The following ZNF609 variants were observed in gnomAD, a reference collection of about 807,000 sequenced individuals.
The protein encoded by ZNF609 is zinc finger protein 609.
Under a neutral mutation model 109.5 loss-of-function variants are expected in ZNF609, and 11 were observed. The observed-to-expected ratio is 0.10, with a 90% confidence interval of 0.06 to 0.17. The LOEUF is 0.17. ZNF609 is among the 10% of genes least tolerant of loss of function. ZNF609 has a pLI of 1.00. For synonymous variants in ZNF609, 646 were observed against 662.0 expected (o/e 0.98, Z 0.37); for missense variants, 1,559 against 1,772.4 (o/e 0.88, Z 2.16).
At chr15:64,500,226 C>G in intron 2 of ZNF609, 60 bp downstream of exon 2, 5 of 1,579,092 alleles carry the variant, frequency 3.2e-6, no homozygotes, top group Non-Finnish European at 4.3e-6. Context: ...CCTGGACTAA[C>G]TGCCAAATAC....
At chr15:64,551,442 G>C (rs954241342) in intron 2 of ZNF609, among the ~76,000 whole-genome samples, 2 of 152,048 alleles carry the variant, frequency 1.3e-5, no homozygotes, top group Admixed American at 6.6e-5. Context: ...GATAACCTGA[G>C]GTCAGGAGTT....
At chr15:64,492,601 A>G (rs919708858) in intron 1 of ZNF609, among the ~76,000 whole-genome samples, 1 of 152,102 alleles carries the variant, frequency 6.6e-6, no homozygotes, top group Non-Finnish European at 1.5e-5. Flanking sequence ...AGGCTGGTCT[A>G]GAACTCCTGG....
chr15:64,466,248 C>T (rs939325894), intron 1 of ZNF609, among the ~76,000 whole-genome samples: 25 of 151,380 alleles, frequency 1.7e-4, no homozygotes, highest in Admixed American at 1.3e-3. Flanking sequence ...ATGATTTTCT[C>T]TTTCATATGT....
chr15:64,564,312 A>T (rs762342114), intron 2 of ZNF609, among the ~76,000 whole-genome samples: 44 of 152,172 alleles, frequency 2.9e-4, no homozygotes, highest in South Asian at 6.2e-4. Flanking sequence ...AGGGGGGACT[A>T]CTGTAATTGC....
chr15:64,546,171 T>C (rs1354799496), intron 2 of ZNF609, among the ~76,000 whole-genome samples: 2 of 152,200 alleles, frequency 1.3e-5, no homozygotes, highest in African/African-American at 4.8e-5. Context: ...TACTTGATAC[T>C]GTCTGTTGTT....
At chr15:64,659,642 A>G (rs1259062237) in intron 3 of ZNF609, among the ~76,000 whole-genome samples, 2 of 152,164 alleles carry the variant, frequency 1.3e-5, no homozygotes, top group African/African-American at 4.8e-5. Context: ...AACCCCTAAT[A>G]TCTCAGGAAC....
At chr15:64,572,020 G>A (rs1894866761) in intron 2 of ZNF609, among the ~76,000 whole-genome samples, 1 of 152,120 alleles carries the variant, frequency 6.6e-6, no homozygotes, top group Non-Finnish European at 1.5e-5. Flanking sequence ...CTGGAAAGTT[G>A]CCCTTAAGGA....
At chr15:64,620,356 T>G (rs1895858194) in intron 2 of ZNF609, among the ~76,000 whole-genome samples, 1 of 152,176 alleles carries the variant, frequency 6.6e-6, no homozygotes, top group Non-Finnish European at 1.5e-5. Flanking sequence ...TCTCTAACTT[T>G]CCCTCTCTAG....
At chr15:64,518,082 C>T (rs569033682) in intron 2 of ZNF609, among the ~76,000 whole-genome samples, 1 of 152,220 alleles carries the variant, frequency 6.6e-6, no homozygotes, top group African/African-American at 2.4e-5. Flanking sequence ...GTGCTGGGTT[C>T]CTGGAGTTTA....
At chr15:64,612,740 C>A (rs1307708658) in intron 2 of ZNF609, among the ~76,000 whole-genome samples, 1 of 151,202 alleles carries the variant, frequency 6.6e-6, no homozygotes, top group Admixed American at 6.6e-5. Flanking sequence ...ACCTGCCGGG[C>A]GTGGTGGCTC....
chr15:64,464,905 A>G lies in ZNF609; in HGVS notation c.-128+4067A>G, dbSNP rs1892990491. Reference sequence around the variant, plus strand: ...AAATACTTGGTCTTCCGTGGGTTAGATTCAGTTTGTATGTGTGAAATTGCA... The same window carrying G: ...AAATACTTGGTCTTCCGTGGGTTAGGTTCAGTTTGTATGTGTGAAATTGCA... On this transcript the variant is annotated intron_variant, in intron 1 of 9. Coordinates refer to ENST00000326648, the MANE Select transcript of ZNF609 (RefSeq NM_015042.2). Among the ~76,000 whole-genome samples the G allele has an allele frequency of 2.6e-5, 4 of 152,194 alleles. No individual in the cohort carries two copies. The South Asian group carries it at 6.2e-4, about 24-fold the overall frequency.
chr15:64,521,879 C>T (rs1893896230), intron 2 of ZNF609, among the ~76,000 whole-genome samples: 1 of 152,208 alleles, frequency 6.6e-6, no homozygotes, highest in African/African-American at 2.4e-5. Context: ...TTTACTGGCC[C>T]TGGCAGCTGT....
At chr15:64,625,820 C>T (rs1259172021) in intron 3 of ZNF609, among the ~76,000 whole-genome samples, 7 of 142,066 alleles carry the variant, frequency 4.9e-5, no homozygotes, top group South Asian at 2.4e-4. Flanking sequence ...ACCCAGGAGG[C>T]GGGCCTTGAA....
In ZNF609 at chr15:64,537,961, C is replaced by A. The variant is rs556229111; in HGVS notation, c.747+37795C>A. Among the ~76,000 whole-genome samples the A allele has an allele frequency of 2.0e-3, 298 of 152,138 alleles. 1 individual carries two copies. Among genetic ancestry groups the A allele is most frequent in the Admixed American group, 4.4e-3 (67 of 15,286 alleles). ...ACTAAAAATACAAAAAAAAAATTAG[C>A]CAGGCATGGTGGCGCATGCCTGTAA... On this transcript the variant is annotated intron_variant, in intron 2 of 9. Transcript: ENST00000326648.
At chr15:64,647,353 G>C (rs1261625637) in intron 3 of ZNF609, among the ~76,000 whole-genome samples, 1 of 151,916 alleles carries the variant, frequency 6.6e-6, no homozygotes, top group Non-Finnish European at 1.5e-5. Context: ...TTCTATTTCA[G>C]GTGATGAAAA....
In ZNF609 at chr15:64,553,663, A is replaced by G. The variant is rs1388813218; in HGVS notation, c.747+53497A>G. ...GCCCAGGCTGGAGTGCAGTGGCGCA[A>G]TCTTGGCTCACTGCAAGCTCCGCCT... is the stretch of plus-strand genomic sequence containing the variant. On this transcript the variant is annotated intron_variant, in intron 2 of 9. Coordinates refer to ENST00000326648, the MANE Select transcript of ZNF609 (RefSeq NM_015042.2). 1.4e-4 allele frequency among the ~76,000 whole-genome samples: 21 copies of G among 151,572 alleles called. 1 individual carries two copies. The highest frequency in any genetic ancestry group is 1.4e-3 in the Admixed American group (21 of 15,176).
intron 3 of ZNF609, among the ~76,000 whole-genome samples, chr15:64,625,250 T>C (rs1459246966): frequency 6.6e-6 from 1 of 152,192 alleles, no homozygotes; most frequent in African/African-American, 2.4e-5. Flanking sequence ...CTGACACCTA[T>C]AGTAGTAGAC....
chr15:64,562,544 T>C (rs1484378100), intron 2 of ZNF609, among the ~76,000 whole-genome samples: 1 of 152,198 alleles, frequency 6.6e-6, no homozygotes, highest in Non-Finnish European at 1.5e-5. Context: ...GCTCAATTTA[T>C]TAGTAATCCT....
chr15:64,512,857 A>G (rs1427502602), intron 2 of ZNF609, among the ~76,000 whole-genome samples: 2 of 152,088 alleles, frequency 1.3e-5, no homozygotes, highest in African/African-American at 4.8e-5. Context: ...GTTTAGGGAT[A>G]TGTGTTGCAG....
Sources: allele counts gnomAD v4.1 joint callset (sites outside exome capture counted in the v4.1 genomes callset), GRCh38; gene constraint gnomAD v4.1.1; transcripts MANE v1.5; gene names NCBI Gene and HGNC (gene_info 2026-07-23, HGNC 2026-07-21).